SNX29: variants seen among roughly 807,000 people sequenced by gnomAD.
The protein encoded by SNX29 is sorting nexin-29.
Under a neutral mutation model 102.1 loss-of-function variants are expected in SNX29, and 78 were observed. The observed-to-expected ratio is 0.76, with a 90% CI of 0.64 to 0.92. SNX29 has a LOEUF of 0.92. Ranked by LOEUF, SNX29 falls within the 40% of genes least tolerant of loss-of-function variation. The probability of loss-of-function intolerance (pLI) is 0.00; values close to 1 mark genes in which losing one functional copy is unlikely to be tolerated. For missense variants in SNX29, 1,280 were observed against 1,061.7 expected, an observed-to-expected ratio of 1.21 and a Z score of -2.86; for synonymous variants, 580 against 414.5, an observed-to-expected ratio of 1.40 and a Z score of -4.85.
intron 13 of SNX29, among the ~76,000 whole-genome samples, chr16:12,133,154 C>G (rs1389045084): frequency 1.3e-5 from 2 of 152,104 alleles, no homozygotes; most frequent in Non-Finnish European, 2.9e-5. Context: ...CAGGTGGATA[C>G]AGCTAGGGCT....
chr16:12,563,107 C>T (rs546099875), intron 20 of SNX29, among the ~76,000 whole-genome samples: 1 of 95,308 alleles, frequency 1.0e-5, no homozygotes, highest in East Asian at 2.0e-4. Context: ...CGCACGCTAA[C>T]AACAGAGCCT....
intron 14 of SNX29, among the ~76,000 whole-genome samples, chr16:12,211,363 G>T (rs147457125): frequency 3.9e-5 from 6 of 152,174 alleles, no homozygotes; most frequent in African/African-American, 9.7e-5. Flanking sequence ...GATAACAGAA[G>T]CTCTGTTCAT....
rs116102149 is a variant in SNX29 at position 12,517,870 on chromosome 16, C to T, written c.2179-6832C>T. Reference sequence around the variant, plus strand: ...TCTCTCGGAGGTATTGGCACAGGAGCGAAGACCAAAATGGCAAGGCCTTCT... The same window carrying T: ...TCTCTCGGAGGTATTGGCACAGGAGTGAAGACCAAAATGGCAAGGCCTTCT... On this transcript the variant is annotated intron_variant, in intron 19 of 20. Transcript: ENST00000566228. Among the ~76,000 whole-genome samples, 459 of 151,896 alleles carry T rather than the reference C, an allele frequency of 3.0e-3. 1 individual carries two copies. The highest frequency in any genetic ancestry group is 9.7e-3 in the African/African-American group (403 of 41,406).
chr16:12,061,142 TC>T (rs1167579514), intron 8 of SNX29, among the ~76,000 whole-genome samples: 1 of 152,150 alleles, frequency 6.6e-6, no homozygotes, highest in Non-Finnish European at 1.5e-5. Flanking sequence ...CAGGCAGCCT[TC>T]CATGACCTTC....
At chr16:12,182,512 C>T (rs1004839749) in intron 13 of SNX29, among the ~76,000 whole-genome samples, 1 of 152,146 alleles carries the variant, frequency 6.6e-6, no homozygotes, top group Non-Finnish European at 1.5e-5. Context: ...GCAGTTGGTT[C>T]TTGGGAGGGC....
chr16:12,007,016 T>C (rs1019061615), intron 3 of SNX29, among the ~76,000 whole-genome samples: 2 of 152,242 alleles, frequency 1.3e-5, no homozygotes, highest in Non-Finnish European at 2.9e-5. Flanking sequence ...CATGACTTGT[T>C]CTTTCTCCCT....
intron 20 of SNX29, among the ~76,000 whole-genome samples, chr16:12,561,903 T>G (rs1266475058): frequency 6.6e-6 from 1 of 151,556 alleles, no homozygotes; most frequent in African/African-American, 2.4e-5. Context: ...ATCCCAGGAG[T>G]TCCTTCTCCA....
At chr16:12,034,082 A>G (rs1441828413) in intron 4 of SNX29, among the ~76,000 whole-genome samples, 1 of 152,228 alleles carries the variant, frequency 6.6e-6, no homozygotes, top group African/African-American at 2.4e-5. Flanking sequence ...TAATATACCC[A>G]TAACTGTAAA....
At chr16:12,206,369 C>A (rs2077043707) in intron 14 of SNX29, among the ~76,000 whole-genome samples, 1 of 119,764 alleles carries the variant, frequency 8.3e-6, no homozygotes, top group Admixed American at 1.1e-4. Flanking sequence ...TGGTAAATGT[C>A]TAACAAATAG....
chr16:12,060,495 G>C (rs767923694), intron 8 of SNX29, among the ~76,000 whole-genome samples: 1 of 152,108 alleles, frequency 6.6e-6, no homozygotes, highest in African/African-American at 2.4e-5. Context: ...CAAACTCCTC[G>C]GGATGCTGAG....
chr16:12,270,171 C>G (rs115303369), intron 14 of SNX29, among the ~76,000 whole-genome samples: 2 of 152,202 alleles, frequency 1.3e-5, no homozygotes, highest in African/African-American at 4.8e-5. Flanking sequence ...CCCGTTCTTT[C>G]AGTTTTAAAA....
intron 20 of SNX29, among the ~76,000 whole-genome samples, chr16:12,550,896 A>AG (rs2077934352): frequency 6.6e-6 from 1 of 152,330 alleles, no homozygotes; most frequent in South Asian, 2.1e-4. Flanking sequence ...CGGGAGGGGA[A>AG]GCTCAGAATT....
chr16:12,284,219 G>A (rs756652013), intron 15 of SNX29, among the ~76,000 whole-genome samples: 7 of 152,246 alleles, frequency 4.6e-5, no homozygotes, highest in Admixed American at 1.3e-4. Flanking sequence ...GAAAGCACAT[G>A]TATCGCGTGT....
intron 1 of SNX29, among the ~76,000 whole-genome samples, chr16:11,993,462 C>T (rs752238925): frequency 6.6e-6 from 1 of 152,094 alleles, no homozygotes; most frequent in Non-Finnish European, 1.5e-5. Context: ...AGCCAGAGGT[C>T]TTGATACCTT....
chr16:12,232,634 G>C (rs184959307), intron 14 of SNX29, among the ~76,000 whole-genome samples: 37 of 152,240 alleles, frequency 2.4e-4, no homozygotes, highest in Admixed American at 2.0e-3. Context: ...GAAACGTTGG[G>C]GAATCTGGCT....
At chr16:12,301,302 C>G (rs528822068) in intron 15 of SNX29, among the ~76,000 whole-genome samples, 2 of 152,388 alleles carry the variant, frequency 1.3e-5, no homozygotes, top group Admixed American at 6.5e-5. Flanking sequence ...CGCCCACGCT[C>G]TGGCGTGTGC....
At chr16:12,318,431 G>A (rs1456045258) in intron 15 of SNX29, among the ~76,000 whole-genome samples, 1 of 152,128 alleles carries the variant, frequency 6.6e-6, no homozygotes, top group Non-Finnish European at 1.5e-5. Context: ...GGTCAGAGTC[G>A]GGAACGTGAC....
Position 12,350,779 on chromosome 16 carries a change from G to A in SNX29, c.1783-5384G>A, listed in dbSNP as rs117970662. Reference sequence around the variant, plus strand: ...ACTCTGACTGATCATTACAGTCACCGTGGGCTTTAAAAAGTACTTCTTTGA... The same window carrying A: ...ACTCTGACTGATCATTACAGTCACCATGGGCTTTAAAAAGTACTTCTTTGA... On this transcript the variant is annotated intron_variant, in intron 15 of 20. Coordinates refer to ENST00000566228, the MANE Select transcript of SNX29 (RefSeq NM_032167.5). Among the ~76,000 whole-genome samples, 84 of 152,308 alleles carry A rather than the reference G, an allele frequency of 5.5e-4. No homozygotes were observed. The East Asian group carries it at 0.015, about 28-fold the overall frequency.
At position 12,483,114 on chromosome 16, in the gene SNX29, G is replaced by GTTTTTTTTTTTTTTTTTTTTTTTTTTTTT. The variant is rs574090459; in HGVS notation, c.2178+5256_2178+5284dup. ...AATAGATACATATTGAAGTTATTAA[G>GTTTTTTTTTTTTTTTTTTTTTTTTTTTTT]TTTTTTTTTTTTTTTTTTTTTTTTT... On this transcript the variant is annotated intron_variant, in intron 19 of 20. Transcript: ENST00000566228. Among the ~76,000 whole-genome samples, 5 of 66,214 alleles carry GTTTTTTTTTTTTTTTTTTTTTTTTTTTTT rather than the reference G, an allele frequency of 7.6e-5. 2 individuals carry two copies. Among genetic ancestry groups the GTTTTTTTTTTTTTTTTTTTTTTTTTTTTT allele is most frequent in the Non-Finnish European group, 8.3e-5 (3 of 35,982 alleles). The allele number at this position is 66,214 out of a possible 152,430, so 43.4% of individuals were successfully genotyped here.
Sources: allele counts gnomAD v4.1 joint callset (sites outside exome capture counted in the v4.1 genomes callset), GRCh38; gene constraint gnomAD v4.1.1; transcripts MANE v1.5; gene names NCBI Gene and HGNC (gene_info 2026-07-23, HGNC 2026-07-21).